Variants in ANKAR observed in about 807,000 individuals in gnomAD.
The protein encoded by ANKAR is ankyrin and armadillo repeat-containing protein.
Under a neutral mutation model 146.2 loss-of-function variants are expected in ANKAR, and 136 were observed. The ratio of observed to expected loss-of-function variants is 0.93; its 90% confidence interval spans 0.81 to 1.07. The LOEUF is 1.07. Among genes scored for constraint, ANKAR ranks in the 50% least tolerant of loss-of-function variants. The probability of loss-of-function intolerance (pLI) is 0.00; values close to 1 mark genes in which losing one functional copy is unlikely to be tolerated. For synonymous variants in ANKAR, 500 were observed against 575.8 expected (o/e 0.87, Z 1.88); for missense variants, 1,567 against 1,679.9 (o/e 0.93, Z 1.18).
chr2:189,700,811 C>T (rs1183890586), intron 7 of ANKAR, among the ~76,000 whole-genome samples: 1 of 152,166 alleles, frequency 6.6e-6, no homozygotes, highest in Non-Finnish European at 1.5e-5. Flanking sequence ...TGACTTATTT[C>T]ACTTAACATA....
At chr2:189,756,460 T>C (rs1574891121) in intron 18 of ANKAR, among the ~76,000 whole-genome samples, 1 of 152,208 alleles carries the variant, frequency 6.6e-6, no homozygotes, top group Non-Finnish European at 1.5e-5. Flanking sequence ...ACTAGTTCTA[T>C]GTGTAGAAAT....
chr2:189,723,476 C>T (rs970768887), intron 12 of ANKAR, among the ~76,000 whole-genome samples: 2 of 152,078 alleles, frequency 1.3e-5, no homozygotes, highest in African/African-American at 4.8e-5. Context: ...CAAAAGCATA[C>T]AAAATGCTTT....
At chr2:189,757,068 T>A (rs936339177) in intron 18 of ANKAR, among the ~76,000 whole-genome samples, 1 of 152,216 alleles carries the variant, frequency 6.6e-6, no homozygotes, top group African/African-American at 2.4e-5. Flanking sequence ...GAATTAATAA[T>A]AACAATGTAT....
At chr2:189,739,691 G>A (rs2043154749) in intron 19 of ANKAR, among the ~76,000 whole-genome samples, 2 of 151,960 alleles carry the variant, frequency 1.3e-5, no homozygotes, top group South Asian at 4.2e-4. Context: ...AGCCTCCCGA[G>A]TAGCTGGGAC....
rs752296250 is a variant in ANKAR at position 189,743,448 on chromosome 2, A to G, written c.3984A>G (p.Gln1328=). 6.2e-7 allele frequency: 1 copy of G among 1,613,826 alleles called. No individual in the cohort carries two copies. Among genetic ancestry groups the G allele is most frequent in the South Asian group, 1.1e-5 (1 of 91,052 alleles). Residue 1328 remains glutamine (Q), a synonymous_variant, in exon 21 of 23, where the codon CAA becomes CAG. Transcript: ENST00000684021. ...TTTTAAAGGAATTTCAAATGCAACA[A>G]ACACTGGTGGGACTTCCTTCCTTAA... ...PAFLKEFQMQ[Q]TLVGLPSLSL...
chr2:189,689,113 C>T (rs1260355023), intron 2 of ANKAR, among the ~76,000 whole-genome samples: 5 of 152,202 alleles, frequency 3.3e-5, no homozygotes, highest in Admixed American at 2.0e-4. Flanking sequence ...GGGTTTGTGA[C>T]TTCACCATTG....
In ANKAR at chr2:189,689,757, G is replaced by T; in HGVS notation, c.832G>T (p.Asp278Tyr). 1.9e-6 allele frequency: 3 copies of T among 1,612,436 alleles called. No individual in the cohort carries two copies. Among genetic ancestry groups the T allele is most frequent in the Non-Finnish European group, 2.5e-6 (3 of 1,178,972 alleles). ...TACTAATGCTATAAAATATAATCAG[G>T]ATTATCTTGATATCTGTACCTACCA... ...WLTNAIKYNQ[D>Y]YLDICTYQRL... The change falls in exon 3 of 23, where the codon GAT (aspartate) becomes TAT (tyrosine). Residue 278 changes from aspartate (D) to tyrosine (Y), a missense_variant. Transcript: ENST00000684021.
chr2:189,755,635 C>T, intron 18 of ANKAR: 2 of 1,463,466 alleles, frequency 1.4e-6, no homozygotes, highest in Non-Finnish European at 1.8e-6. Flanking sequence ...CAGCTAAAAG[C>T]ATGTCTTCAA....
In ANKAR at chr2:189,719,596, T is replaced by C; in HGVS notation, c.2249T>C (p.Leu750Pro). The change falls in exon 11 of 23, where the codon CTA (leucine) becomes CCA (proline). Residue 750 changes from leucine (L) to proline (P), a missense_variant. Transcript: ENST00000684021. ...DAGTIPALIN[L>P]LKSSKIKLQC... is the part of the protein sequence containing the mutation. ...GGCACCATTCCTGCCTTAATCAATC[T>C]ATTAAAAAGTTCCAAAATAAAACTG... is the stretch of plus-strand genomic sequence containing the variant. 6.2e-7 allele frequency: 1 copy of C among 1,611,678 alleles called. No individual in the cohort carries two copies. The highest frequency in any genetic ancestry group is 8.5e-7 in the Non-Finnish European group (1 of 1,178,174).
chr2:189,679,422 ACTTCCT>A (rs2034282163), intron 2 of ANKAR, among the ~76,000 whole-genome samples: 1 of 152,114 alleles, frequency 6.6e-6, no homozygotes, highest in South Asian at 2.1e-4. Context: ...CCACAGTTTG[ACTTCCT>A]CTTTACCAAA....
downstream of ANKAR, among the ~76,000 whole-genome samples, chr2:189,749,420 A>AAATT (rs147845515): frequency 0.01 from 1,566 of 151,920 alleles, 33 homozygotes; most frequent in African/African-American, 0.036. Flanking sequence ...TCGAAATAAA[A>AAATT]AATTATGTAT....
chr2:189,746,012 T>C (rs1377953485), intron 22 of ANKAR, among the ~76,000 whole-genome samples: 1 of 152,232 alleles, frequency 6.6e-6, no homozygotes, highest in Non-Finnish European at 1.5e-5. Context: ...AGGTTTGTAG[T>C]AACATAAGAA....
intron 6 of ANKAR, among the ~76,000 whole-genome samples, chr2:189,695,514 C>T (rs2037072161): frequency 6.6e-6 from 1 of 152,136 alleles, no homozygotes; most frequent in Non-Finnish European, 1.5e-5. Flanking sequence ...AGAGAGGGAT[C>T]TTTCACAAAT....
intron 22 of ANKAR, among the ~76,000 whole-genome samples, chr2:189,744,998 T>TACTACTACTACTACA (rs2105910774): frequency 1.4e-5 from 1 of 70,924 alleles, no homozygotes; most frequent in Non-Finnish European, 3.6e-5. Context: ...TCTCTACTAC[T>TACTACTACTACTACA]ACTACTACTA....
intron 17 of ANKAR, 130 bp from the exon 18 acceptor site, chr2:189,737,553 C>T: frequency 1.3e-6 from 1 of 754,902 alleles, no homozygotes; most frequent in South Asian, 2.2e-5. Context: ...TCTCTTTTCC[C>T]TAGTAATGTC....
chr2:189,711,193 T>G (rs1317296869), intron 10 of ANKAR, 40 bp downstream of exon 10: 2 of 1,429,300 alleles, frequency 1.4e-6, no homozygotes, highest in Non-Finnish European at 1.9e-6. Flanking sequence ...TGCTATTTTA[T>G]GTAGAGCTAT....
At chr2:189,742,033 A>C (rs1258541404) in intron 20 of ANKAR, among the ~76,000 whole-genome samples, 1 of 152,182 alleles carries the variant, frequency 6.6e-6, no homozygotes, top group Non-Finnish European at 1.5e-5. Context: ...GTTAGATGTA[A>C]GGGTGTGTGA....
At chr2:189,696,506 T>G in intron 7 of ANKAR, 137 bp downstream of exon 7, 2 of 751,428 alleles carry the variant, frequency 2.7e-6, no homozygotes, top group South Asian at 2.0e-5. Flanking sequence ...TTCATTTATC[T>G]AAGAAAGGCT....
chr2:189,737,735 G>T lies in ANKAR; in HGVS notation c.3476G>T (p.Arg1159Leu). Reference sequence around the variant, plus strand: ...TTAACACTTTTTGCCTTCAATAATCGCTTTCAACAATACTTAATATTGGAA... The same window carrying T: ...TTAACACTTTTTGCCTTCAATAATCTCTTTCAACAATACTTAATATTGGAA... Reference protein sequence around the residue: ...YALTLFAFNNRFQQYLILESG... With the variant: ...YALTLFAFNNLFQQYLILESG... The change falls in exon 18 of 23, where the codon CGC becomes CTC. Residue 1159 changes from arginine to leucine, a missense_variant. Physicochemically the swap from Arg to Leu is moderately radical, Grantham distance 102. Transcript: ENST00000684021. The T allele has an allele frequency of 6.3e-7, 1 of 1,598,602 alleles. No homozygotes were observed.
Sources: gnomAD v4.1 joint callset for allele counts (sites outside exome capture counted in the v4.1 genomes callset) on GRCh38, gnomAD v4.1.1 for gene constraint, MANE v1.5 for transcripts, NCBI Gene and HGNC (gene_info 2026-07-23, HGNC 2026-07-21) for gene names.